The following STK3 variants were observed in gnomAD, a reference collection of about 807,000 sequenced individuals.
STK3 encodes the protein serine/threonine kinase 3.
A neutral mutation model predicts 58.0 loss-of-function variants in STK3; 41 were observed. The ratio of observed to expected loss-of-function variants is 0.71; its 90% CI spans 0.55 to 0.92. The LOEUF (loss-of-function observed/expected upper bound fraction) is 0.92. Among genes scored for constraint, STK3 ranks in the 40% least tolerant of loss-of-function variants. The pLI, the probability that STK3 is intolerant of heterozygous loss-of-function variation, is 0.00. For synonymous variants in STK3, 170 were observed against 191.0 expected (o/e 0.89, Z 0.91); for missense variants, 479 against 602.7 (o/e 0.79, Z 2.15).
intron 6 of STK3, among the ~76,000 whole-genome samples, chr8:98,651,003 C>T (rs547877983): frequency 2.2e-4 from 33 of 152,356 alleles, no homozygotes; most frequent in South Asian, 8.3e-4. Context: ...TCTCCCAGCA[C>T]GCAGCTGGAG....
chr8:98,734,226 T>G (rs528974471), intron 4 of STK3, among the ~76,000 whole-genome samples: 2 of 152,294 alleles, frequency 1.3e-5, no homozygotes, highest in East Asian at 3.9e-4. Flanking sequence ...GAGATTTGGG[T>G]GGGAACGTAG....
At chr8:98,826,989 C>T (rs1032675265), upstream of STK3, among the ~76,000 whole-genome samples, 172 of 134,548 alleles carry the variant, frequency 1.3e-3, 2 homozygotes, top group African/African-American at 4.4e-3. Context: ...CCATATATAC[C>T]TTTCACATAA....
At chr8:98,941,749 C>A (rs1840440862) in intron 1 of STK3, among the ~76,000 whole-genome samples, 2 of 152,246 alleles carry the variant, frequency 1.3e-5, no homozygotes, top group Non-Finnish European at 2.9e-5. Context: ...TTCATCCCGG[C>A]CTCCCGGGGC....
At chr8:98,739,342 C>T (rs1330740022) in intron 4 of STK3, among the ~76,000 whole-genome samples, 1 of 152,204 alleles carries the variant, frequency 6.6e-6, no homozygotes, top group East Asian at 1.9e-4. Context: ...GGGAGGCACC[C>T]CCAAGTAGGG....
At chr8:98,422,539 G>A (rs1818185526) in intron 3 of STK3, among the ~76,000 whole-genome samples, 1 of 152,236 alleles carries the variant, frequency 6.6e-6, no homozygotes, top group Non-Finnish European at 1.5e-5. Flanking sequence ...TTCCAAGGAG[G>A]AGGAGAAACT....
At chr8:98,914,947 A>G (rs1839286930) in intron 1 of STK3, among the ~76,000 whole-genome samples, 2 of 152,202 alleles carry the variant, frequency 1.3e-5, no homozygotes, top group South Asian at 4.1e-4. Flanking sequence ...TTTAGGTCCA[A>G]ATTCATTTCT....
At chr8:98,684,481 G>T (rs893384076) in intron 6 of STK3, among the ~76,000 whole-genome samples, 1 of 152,140 alleles carries the variant, frequency 6.6e-6, no homozygotes, top group Non-Finnish European at 1.5e-5. Context: ...GGCATCCTCT[G>T]TAAGAACCTG....
At chr8:98,645,853 G>A (rs963119631) in intron 6 of STK3, among the ~76,000 whole-genome samples, 3 of 151,814 alleles carry the variant, frequency 2.0e-5, no homozygotes, top group East Asian at 1.9e-4. Context: ...TATAGATATC[G>A]AGTAGAGACA....
At position 98,455,795 on chromosome 8, in the gene STK3, T is replaced by C. The variant is rs1819444546; in HGVS notation, c.*47A>G. 1 of 1,601,822 alleles carries C rather than the reference T, an allele frequency of 6.2e-7. No homozygotes were observed. The highest frequency in any genetic ancestry group is 8.5e-7 in the Non-Finnish European group (1 of 1,173,838). ...ATCCAAATATTCCTTCAATTCCTAG[T>C]GGTTTCTTGGTCTCCAGAATAGTTA... On this transcript the variant is annotated 3_prime_UTR_variant, in exon 11 of 11. Transcript: ENST00000419617.
chr8:98,587,403 T>C lies in STK3; in HGVS notation c.823-7614A>G, dbSNP rs1469185867. Among the ~76,000 whole-genome samples the C allele has an allele frequency of 9.9e-4, 150 of 152,062 alleles. 1 individual carries two copies. The highest frequency in any genetic ancestry group is 2.7e-3 in the African/African-American group (111 of 41,402). On this transcript the variant is annotated intron_variant, in intron 7 of 10. Coordinates refer to ENST00000419617, the MANE Select transcript of STK3 (RefSeq NM_006281.4). ...GTTGTTCAGTTTCCATGTAGTTGAG[T>C]GGTTTTGAGTGAGATTCTTAATCCT...
intron 1 of STK3, among the ~76,000 whole-genome samples, chr8:98,793,604 C>A (rs1832946965): frequency 6.6e-6 from 1 of 152,150 alleles, no homozygotes; most frequent in Non-Finnish European, 1.5e-5. Context: ...GAGACTTCAA[C>A]AGCCCACTGA....
At chr8:98,936,979 G>A (rs1332622104) in intron 1 of STK3, among the ~76,000 whole-genome samples, 1 of 152,236 alleles carries the variant, frequency 6.6e-6, no homozygotes, top group Non-Finnish European at 1.5e-5. Context: ...ACTGTAAAGA[G>A]TGGAGGGGGG....
rs199882620 is a variant in STK3, at chr8:98,743,580, T to G, written c.351+5696A>C. On this transcript the variant is annotated intron_variant, in intron 4 of 10. Transcript: ENST00000419617. ...CCTTCCTTACACTTTATACAAAAAT[T>G]AATTCAAGATGGATTAAAGACTTAA... Among the ~76,000 whole-genome samples, 26 of 152,208 alleles carry G rather than the reference T, an allele frequency of 1.7e-4. No individual in the cohort carries two copies. In the East Asian group the frequency reaches 5.0e-3, roughly 29 times the overall value.
At chr8:98,936,521 T>C (rs1840203008) in intron 1 of STK3, among the ~76,000 whole-genome samples, 1 of 152,232 alleles carries the variant, frequency 6.6e-6, no homozygotes, top group African/African-American at 2.4e-5. Flanking sequence ...TATTGCTCCC[T>C]TGCTCTGCAA....
chr8:98,413,358 T>C, intron 3 of STK3: 1 of 521,580 alleles, frequency 1.9e-6, no homozygotes, highest in Non-Finnish European at 3.8e-6. Context: ...CTACTTGAGC[T>C]ATTTTGAGAT....
chr8:98,723,916 A>G (rs1021383040), intron 4 of STK3, among the ~76,000 whole-genome samples: 20 of 152,226 alleles, frequency 1.3e-4, no homozygotes, highest in African/African-American at 4.6e-4. Context: ...GGATTAATCT[A>G]TCCAGTGTTA....
chr8:98,592,907 A>G lies in STK3; in HGVS notation c.822+3125T>C, dbSNP rs188805576. 9.2e-3 allele frequency among the ~76,000 whole-genome samples: 1,398 copies of G among 152,024 alleles called. 18 individuals carry two copies. The highest frequency in any genetic ancestry group is 0.032 in the African/African-American group (1,322 of 41,486). Reference sequence around the variant, plus strand: ...GCCTCCCAAATAGCTGGGACTACAGACGTGCACCACCATGTCTGGCTAATT... The same window carrying G: ...GCCTCCCAAATAGCTGGGACTACAGGCGTGCACCACCATGTCTGGCTAATT... On this transcript the variant is annotated intron_variant, in intron 7 of 10. Transcript: ENST00000419617.
chr8:98,441,043 T>C lies in STK3; in HGVS notation n.186-3835A>G, dbSNP rs1357234769. On this transcript the variant is annotated intron_variant and non_coding_transcript_variant, in intron 1 of 3. Coordinates refer to the STK3 transcript ENST00000517832. The stretch of plus-strand genomic sequence containing the variant: ...TGAGTCTAGAGTCATTGCATTTTAG[T>C]CTTCACCACAACACTAGAAGGTAGA... 1.8e-4 allele frequency among the ~76,000 whole-genome samples: 27 copies of C among 152,210 alleles called. 1 individual carries two copies. Among genetic ancestry groups the C allele is most frequent in the Non-Finnish European group, 1.5e-5 (1 of 68,050 alleles).
At chr8:98,528,719 A>AT (rs1422699565) in intron 9 of STK3, among the ~76,000 whole-genome samples, 2 of 152,076 alleles carry the variant, frequency 1.3e-5, no homozygotes, top group South Asian at 4.2e-4. Context: ...TTTCTTAAGA[A>AT]TTTTTTGTGG....
Sources: allele counts gnomAD v4.1 joint callset (sites outside exome capture counted in the v4.1 genomes callset), GRCh38; gene constraint gnomAD v4.1.1; transcripts MANE v1.5; gene names NCBI Gene and HGNC (gene_info 2026-07-23, HGNC 2026-07-21).